SUMO2: variants seen among roughly 807,000 people sequenced by gnomAD.
SUMO2 encodes the protein small ubiquitin-related modifier 2.
SUMO2 carries 1 observed loss-of-function variant against 16.0 expected under a neutral mutation model. The observed-to-expected ratio is 0.06, with a 90% CI of 0.02 to 0.30. The LOEUF is 0.30. Among genes scored for constraint, SUMO2 ranks in the 10% least tolerant of loss-of-function variants. The pLI, the probability that SUMO2 is intolerant of heterozygous loss-of-function variation, is 1.00. For synonymous variants in SUMO2, 36 were observed against 40.6 expected (o/e 0.89, Z 0.43); for missense variants, 16 against 117.5 (o/e 0.14, Z 3.99).
At chr17:75,182,143 G>T (rs541225473) in intron 1 of SUMO2, among the ~76,000 whole-genome samples, 29 of 152,152 alleles carry the variant, frequency 1.9e-4, no homozygotes, top group African/African-American at 6.7e-4. Flanking sequence ...GAAACCACAT[G>T]GTGTTCGCGG....
At chr17:75,181,502 C>T (rs917405251) in intron 1 of SUMO2, among the ~76,000 whole-genome samples, 3 of 152,112 alleles carry the variant, frequency 2.0e-5, no homozygotes, top group African/African-American at 7.2e-5. Context: ...TGACATATAT[C>T]ACTCCCAAAA....
intron 3 of SUMO2, among the ~76,000 whole-genome samples, chr17:75,172,634 C>T (rs2074750562): frequency 6.6e-6 from 1 of 151,716 alleles, no homozygotes; most frequent in African/African-American, 2.4e-5. Flanking sequence ...GGCCACCACA[C>T]CCAGCTAATT....
rs913472861 is a variant in SUMO2 at position 75,165,911 on chromosome 17, A to G, written c.*2428T>C. 2.6e-5 allele frequency: 4 copies of G among 152,174 alleles called. 1 individual carries two copies. The highest frequency in any genetic ancestry group is 2.6e-4 in the Admixed American group (4 of 15,242). The allele number at this position is 152,174 out of a possible 1,614,324, so 9.4% of individuals were successfully genotyped here. Reference sequence around the variant, plus strand: ...CATGGTGGCGGGCACCTTTAGTCCCAGCTACTGGGGAGGCTGAGGCAGGAG... The same window carrying G: ...CATGGTGGCGGGCACCTTTAGTCCCGGCTACTGGGGAGGCTGAGGCAGGAG... On this transcript the variant is annotated 3_prime_UTR_variant, in exon 4 of 4. Coordinates refer to ENST00000420826, the MANE Select transcript of SUMO2 (RefSeq NM_006937.4).
At chr17:75,172,927 T>A (rs1293654502) in intron 3 of SUMO2, among the ~76,000 whole-genome samples, 1 of 152,180 alleles carries the variant, frequency 6.6e-6, no homozygotes, top group African/African-American at 2.4e-5. Context: ...GGCCCGTAAT[T>A]CCTTTTGAGA....
intron 2 of SUMO2, among the ~76,000 whole-genome samples, chr17:75,178,245 G>C (rs1001476766): frequency 1.3e-5 from 2 of 151,978 alleles, no homozygotes; most frequent in Non-Finnish European, 2.9e-5. Flanking sequence ...CCAGGCACCA[G>C]TGGCTCACAC....
chr17:75,167,037 G>A lies in SUMO2; in HGVS notation c.*1302C>T, dbSNP rs1320703858. On this transcript the variant is annotated 3_prime_UTR_variant, in exon 4 of 4. Coordinates refer to ENST00000420826, the MANE Select transcript of SUMO2 (RefSeq NM_006937.4). Reference sequence around the variant, plus strand: ...TTCTGTCCCTCAATATTCTTGAATAGGCCAGGCGTGGTGGCTCATGCCGTA... The same window carrying A: ...TTCTGTCCCTCAATATTCTTGAATAAGCCAGGCGTGGTGGCTCATGCCGTA... 1 of 151,340 alleles carries A rather than the reference G, an allele frequency of 6.6e-6. No individual in the cohort carries two copies. Among genetic ancestry groups the A allele is most frequent in the Non-Finnish European group, 1.5e-5 (1 of 67,918 alleles). 9.4% of individuals were successfully genotyped at this position (151,340 alleles called of 1,614,324 possible). A position where few individuals can be genotyped will look rare whatever the true frequency, so the allele number is the denominator to read the frequency against.
intron 3 of SUMO2, among the ~76,000 whole-genome samples, chr17:75,174,147 T>C (rs1270322315): frequency 2.0e-5 from 3 of 152,216 alleles, no homozygotes; most frequent in Non-Finnish European, 4.4e-5. Context: ...CCCAACACTT[T>C]GGGAGGCCAA....
chr17:75,172,613 C>A (rs2074750460), intron 3 of SUMO2, among the ~76,000 whole-genome samples: 1 of 151,592 alleles, frequency 6.6e-6, no homozygotes, highest in Admixed American at 6.6e-5. Context: ...TCCCGAGCAG[C>A]TGGGATTACA....
Position 75,166,334 on chromosome 17 carries a change from G to C in SUMO2, c.*2005C>G, listed in dbSNP as rs1367910334. On this transcript the variant is annotated 3_prime_UTR_variant, in exon 4 of 4. Transcript: ENST00000420826. ...CTACTAAAAATACAGAATTAGCCAG[G>C]TATGATGGTAGATGCTTGTAATCCC... The C allele has an allele frequency of 6.6e-6, 1 of 152,112 alleles. No homozygotes were observed. The highest frequency in any genetic ancestry group is 1.5e-5 in the Non-Finnish European group (1 of 68,074). The allele number at this position is 152,112 out of a possible 1,614,324, so 9.4% of individuals were successfully genotyped here.
chr17:75,182,736 G>A, intron 1 of SUMO2, 78 bp downstream of exon 1: 2 of 1,196,474 alleles, frequency 1.7e-6, no homozygotes, highest in East Asian at 3.3e-5. Context: ...GGGAGCCAGC[G>A]GCGGGCTCTG....
chr17:75,174,969 A>C, intron 2 of SUMO2, 146 bp from the exon 3 acceptor site: 2 of 721,194 alleles, frequency 2.8e-6, no homozygotes, highest in Non-Finnish European at 4.5e-6. Flanking sequence ...TATAGGTAAA[A>C]AGATTTGGGG....
At chr17:75,179,789 G>A (rs1441167594) in intron 2 of SUMO2, among the ~76,000 whole-genome samples, 1 of 151,860 alleles carries the variant, frequency 6.6e-6, no homozygotes, top group Non-Finnish European at 1.5e-5. Flanking sequence ...CTCCGGAGTA[G>A]GTGGGATTAT....
intron 3 of SUMO2, among the ~76,000 whole-genome samples, chr17:75,172,465 G>C (rs112481206): frequency 6.7e-6 from 1 of 150,126 alleles, no homozygotes; most frequent in Non-Finnish European, 1.5e-5. Context: ...GACTACAGGC[G>C]TGCACCATCA....
intron 2 of SUMO2, among the ~76,000 whole-genome samples, chr17:75,179,777 G>A (rs553798224): frequency 6.6e-6 from 1 of 151,754 alleles, no homozygotes; most frequent in Admixed American, 6.6e-5. Context: ...CTCAGCCTCA[G>A]CCTCCGGAGT....
At chr17:75,180,927 C>G in intron 2 of SUMO2, 130 bp downstream of exon 2, 2 of 1,043,398 alleles carry the variant, frequency 1.9e-6, no homozygotes, top group East Asian at 5.1e-5. Flanking sequence ...CACGACAAAA[C>G]TGACGTGCCA....
At chr17:75,180,876 A>C (rs930242972) in intron 2 of SUMO2, among the ~76,000 whole-genome samples, 181 bp downstream of exon 2, 1 of 152,148 alleles carries the variant, frequency 6.6e-6, no homozygotes, top group African/African-American at 2.4e-5. Flanking sequence ...TACTAACCAA[A>C]TCATCCTAAG....
chr17:75,180,377 G>C (rs1450165014), intron 2 of SUMO2, among the ~76,000 whole-genome samples: 1 of 109,336 alleles, frequency 9.1e-6, no homozygotes, highest in Non-Finnish European at 1.8e-5. Context: ...AAGAAATAGA[G>C]TGAGACTCCC....
chr17:75,170,919 G>T lies in SUMO2; in HGVS notation c.226-2518C>A, dbSNP rs373978125. ...CTCAGATATTAAATACCATATAGCC[G>T]TTAAAAAATAAGATTTTCATGTACA... On this transcript the variant is annotated intron_variant, in intron 3 of 3. Coordinates refer to ENST00000420826, the MANE Select transcript of SUMO2 (RefSeq NM_006937.4). Among the ~76,000 whole-genome samples, 5 of 150,342 alleles carry T rather than the reference G, an allele frequency of 3.3e-5. No individual in the cohort carries two copies. In the South Asian group the frequency reaches 8.4e-4, roughly 25 times the overall value.
At chr17:75,178,932 G>A (rs1035239182) in intron 2 of SUMO2, among the ~76,000 whole-genome samples, 1 of 151,978 alleles carries the variant, frequency 6.6e-6, no homozygotes, top group African/African-American at 2.4e-5. Flanking sequence ...TCTAGCCTGG[G>A]CAATAAGAGC....
Sources: allele counts gnomAD v4.1 joint callset (sites outside exome capture counted in the v4.1 genomes callset), GRCh38; gene constraint gnomAD v4.1.1; transcripts MANE v1.5; gene names NCBI Gene and HGNC (gene_info 2026-07-23, HGNC 2026-07-21).